The following EPHX4 variants were observed in gnomAD, a reference collection of about 807,000 sequenced individuals.
The protein encoded by EPHX4 is abhydrolase domain containing 7.
In EPHX4, 31 loss-of-function variants were observed where a neutral mutation model predicts 44.9. That is an observed-to-expected ratio of 0.69 (90% CI 0.52 to 0.93). The LOEUF is 0.93. Ranked by LOEUF, EPHX4 falls within the 40% of genes least tolerant of loss-of-function variation. The pLI, the probability that EPHX4 is intolerant of heterozygous loss-of-function variation, is 0.00. For missense variants in EPHX4, 373 were observed against 438.1 expected, an observed-to-expected ratio of 0.85 and a Z score of 1.33; for synonymous variants, 151 against 159.7, an observed-to-expected ratio of 0.95 and a Z score of 0.41.
intron 2 of EPHX4, among the ~76,000 whole-genome samples, chr1:92,041,038 A>G (rs576142534): frequency 6.6e-6 from 1 of 152,100 alleles, no homozygotes; most frequent in East Asian, 1.9e-4. Context: ...ACTTTTAAAA[A>G]TCCATGTCTT....
chr1:92,033,997 C>CTTTTTTTTTTTTTTTTT (rs36075635), intron 2 of EPHX4, among the ~76,000 whole-genome samples: 2 of 109,156 alleles, frequency 1.8e-5, no homozygotes, highest in Non-Finnish European at 3.5e-5. Context: ...CATGTTTAAA[C>CTTTTTTTTTTTTTTTTT]TTTTTTTTTT....
intron 6 of EPHX4, among the ~76,000 whole-genome samples, chr1:92,056,823 T>A (rs1455125943): frequency 6.6e-6 from 1 of 152,048 alleles, no homozygotes; most frequent in Admixed American, 6.6e-5. Context: ...GATTACCTAC[T>A]GGACTACAAA....
intron 1 of EPHX4, among the ~76,000 whole-genome samples, chr1:92,030,963 A>G (rs943393385): frequency 6.6e-6 from 1 of 152,220 alleles, no homozygotes; most frequent in African/African-American, 2.4e-5. Flanking sequence ...GCTTCCTCAC[A>G]GCCCACAAAT....
At chr1:92,033,081 C>CTTT (rs35411599) in intron 2 of EPHX4, among the ~76,000 whole-genome samples, 1 of 137,676 alleles carries the variant, frequency 7.3e-6, no homozygotes, top group Non-Finnish European at 1.6e-5. Context: ...CCACACCTAG[C>CTTT]TTTTTTTTTT....
At chr1:92,055,876 C>T (rs1054128120) in intron 6 of EPHX4, among the ~76,000 whole-genome samples, 6 of 151,882 alleles carry the variant, frequency 4.0e-5, no homozygotes, top group African/African-American at 1.5e-4. Context: ...TTGTAAGTAT[C>T]TATAAGGAAA....
At chr1:92,038,694 G>A (rs1570689293) in intron 2 of EPHX4, among the ~76,000 whole-genome samples, 1 of 152,280 alleles carries the variant, frequency 6.6e-6, no homozygotes, top group East Asian at 1.9e-4. Flanking sequence ...GTGATAATGA[G>A]TTAATTGAGG....
chr1:92,047,949 G>A (rs1346358312), intron 4 of EPHX4, among the ~76,000 whole-genome samples: 1 of 152,200 alleles, frequency 6.6e-6, no homozygotes, highest in Non-Finnish European at 1.5e-5. Flanking sequence ...AAAGACCTGT[G>A]AACCATGGCC....
At chr1:92,057,891 G>A (rs35428675) in intron 6 of EPHX4, among the ~76,000 whole-genome samples, 3,957 of 152,018 alleles carry the variant, frequency 0.026, 189 homozygotes, top group African/African-American at 0.09. Context: ...GTGAACCACC[G>A]GCACCCGGCC....
intron 4 of EPHX4, among the ~76,000 whole-genome samples, chr1:92,046,567 G>A (rs1366075584): frequency 5.3e-5 from 8 of 152,068 alleles, no homozygotes; most frequent in African/African-American, 1.9e-4. Context: ...GGGTTCAAGC[G>A]ATTCTCCTGC....
At chr1:92,033,647 T>A (rs1373570626) in intron 2 of EPHX4, among the ~76,000 whole-genome samples, 1 of 152,148 alleles carries the variant, frequency 6.6e-6, no homozygotes, top group Non-Finnish European at 1.5e-5. Context: ...AGGAAGAAAA[T>A]CTGGAGCCCC....
chr1:92,034,662 T>A (rs1373000690), intron 2 of EPHX4, among the ~76,000 whole-genome samples: 4 of 118,296 alleles, frequency 3.4e-5, no homozygotes, highest in South Asian at 2.9e-4. Flanking sequence ...TTTTTTTTTT[T>A]AAACAGTCTT....
At chr1:92,035,737 A>G (rs953890947) in intron 2 of EPHX4, among the ~76,000 whole-genome samples, 1 of 152,250 alleles carries the variant, frequency 6.6e-6, no homozygotes, top group Admixed American at 6.5e-5. Flanking sequence ...TCCAGCATTC[A>G]TTAGCTATTT....
chr1:92,052,609 C>T lies in EPHX4; in HGVS notation c.808C>T (p.Gln270Ter), dbSNP rs1331327246. Residue 270 changes from glutamine to a stop codon, truncating the protein, a stop_gained, in exon 6 of 7, where the codon CAG (glutamine) becomes TAG (stop). Transcript: ENST00000370383. LOFTEE classifies it high-confidence loss of function. Reference protein sequence around the residue: ...DLEAYIYVFSQPGALSGPINH... With the variant: ...DLEAYIYVFS ...TGAAGCTTATATTTATGTCTTTTCT[C>T]AGCCTGGAGCATTAAGTGGCCCAAT... 1.2e-6 allele frequency: 2 copies of T among 1,612,566 alleles called. No individual in the cohort carries two copies. The highest frequency in any genetic ancestry group is 1.7e-4 in the Middle Eastern group (1 of 6,054).
chr1:92,038,822 C>G (rs573560341), intron 2 of EPHX4, among the ~76,000 whole-genome samples: 27 of 152,260 alleles, frequency 1.8e-4, no homozygotes, highest in African/African-American at 6.3e-4. Flanking sequence ...TATTTGTTCA[C>G]CTATTTCAAC....
chr1:92,058,818 C>A (rs761577654), intron 6 of EPHX4, among the ~76,000 whole-genome samples: 1 of 152,110 alleles, frequency 6.6e-6, no homozygotes, highest in African/African-American at 2.4e-5. Context: ...ATAATACTTG[C>A]TTTGTATTAC....
intron 2 of EPHX4, 110 bp downstream of exon 2, chr1:92,032,700 A>T (rs1290026353): frequency 1.0e-6 from 1 of 955,960 alleles, no homozygotes; most frequent in Admixed American, 1.9e-5. Context: ...TAAAATGAAC[A>T]TAAATGATTT....
At chr1:92,046,349 C>T (rs1688580881) in intron 4 of EPHX4, among the ~76,000 whole-genome samples, 1 of 152,138 alleles carries the variant, frequency 6.6e-6, no homozygotes, top group African/African-American at 2.4e-5. Context: ...GAAATTTGGC[C>T]TCACACAGAT....
chr1:92,046,653 A>G (rs547021836), intron 4 of EPHX4, among the ~76,000 whole-genome samples: 24 of 152,150 alleles, frequency 1.6e-4, no homozygotes, highest in Middle Eastern at 6.8e-3. Flanking sequence ...TAGTAGAGAC[A>G]GGGTTTCGCC....
intron 6 of EPHX4, among the ~76,000 whole-genome samples, chr1:92,062,584 C>CAAAAAAAAAAAA (rs1167530513): frequency 5.0e-5 from 1 of 20,090 alleles, no homozygotes; most frequent in East Asian, 2.2e-3. Flanking sequence ...AACTCCATCT[C>CAAAAAAAAAAAA]AAAAAAAAAA....
Sources: allele counts gnomAD v4.1 joint callset (sites outside exome capture counted in the v4.1 genomes callset), GRCh38; gene constraint gnomAD v4.1.1; transcripts MANE v1.5; gene names NCBI Gene and HGNC (gene_info 2026-07-23, HGNC 2026-07-21).